ASB4: variants seen among roughly 807,000 people sequenced by gnomAD.
The protein encoded by ASB4 is ankyrin repeat and SOCS box containing 4.
A neutral mutation model predicts 38.6 loss-of-function variants in ASB4; 35 were observed. The ratio of observed to expected loss-of-function variants is 0.91; its 90% CI spans 0.69 to 1.20. The LOEUF is 1.20. Among genes scored for constraint, ASB4 ranks in the 50% most tolerant of loss-of-function variants. ASB4 has a pLI of 0.00. For synonymous variants in ASB4, 195 were observed against 201.3 expected, an observed-to-expected ratio of 0.97 and a Z score of 0.26; for missense variants, 557 against 527.2, an observed-to-expected ratio of 1.06 and a Z score of -0.55.
At chr7:95,535,247 G>C (rs1167536636) in intron 3 of ASB4, among the ~76,000 whole-genome samples, 3 of 152,208 alleles carry the variant, frequency 2.0e-5, no homozygotes, top group Admixed American at 1.3e-4. Context: ...TGGAGAGAAA[G>C]TCGGTTTTGT....
chr7:95,485,947 C>T lies in ASB4; in HGVS notation c.-25C>T, dbSNP rs1790082312. 6.2e-7 allele frequency: 1 copy of T among 1,607,286 alleles called. No individual in the cohort carries two copies. The highest frequency in any genetic ancestry group is 8.5e-7 in the Non-Finnish European group (1 of 1,175,824). On this transcript the variant is annotated 5_prime_UTR_variant, in exon 1 of 5. Coordinates refer to ENST00000325885, the MANE Select transcript of ASB4 (RefSeq NM_016116.3). ...GTGCTGTTCTCTCGATAAATCACAACAAAGCTTCCAGAGGGAGAGGAAGGA... is the reference window on the plus strand; with the variant it reads ...GTGCTGTTCTCTCGATAAATCACAATAAAGCTTCCAGAGGGAGAGGAAGGA...
intron 2 of ASB4, among the ~76,000 whole-genome samples, chr7:95,511,454 A>G (rs1301518973): frequency 6.6e-6 from 1 of 152,152 alleles, no homozygotes; most frequent in Non-Finnish European, 1.5e-5. Flanking sequence ...ACTTCTCGCA[A>G]GCATAGTTGA....
chr7:95,496,865 AC>A (rs1180062463), intron 2 of ASB4, among the ~76,000 whole-genome samples: 2 of 152,096 alleles, frequency 1.3e-5, no homozygotes, highest in Non-Finnish European at 2.9e-5. Flanking sequence ...AAAACAAAGA[AC>A]AAAAACAAAC....
intron 2 of ASB4, among the ~76,000 whole-genome samples, chr7:95,502,286 T>C (rs1790350300): frequency 2.6e-5 from 4 of 152,126 alleles, no homozygotes; most frequent in Admixed American, 2.0e-4. Context: ...TATTTTGTTG[T>C]TGTTTGTTAC....
intron 1 of ASB4, among the ~76,000 whole-genome samples, chr7:95,486,875 A>C (rs1259077500): frequency 6.6e-6 from 1 of 152,230 alleles, no homozygotes; most frequent in African/African-American, 2.4e-5. Flanking sequence ...ACCCATGCTT[A>C]ATAAATCAGA....
chr7:95,473,266 T>G, the ASB4 span, among the ~76,000 whole-genome samples: 5 of 152,216 alleles, frequency 3.3e-5, no homozygotes, highest in Non-Finnish European at 7.3e-5. Context: ...CTTCTAGCAT[T>G]TACTATGCCC....
chr7:95,527,967 C>G lies in ASB4; in HGVS notation c.642C>G (p.Ile214Met), dbSNP rs756298434. ...VNAHMETPLA[I>M]AAYWALRFKE... ...CCCACATGGAGACCCCCCTGGCCAT[C>G]GCCGCCTACTGGGCCCTCCGCTTTA... The change falls in exon 3 of 5, where the codon ATC becomes ATG. Residue 214 changes from isoleucine to methionine, a missense_variant. Coordinates refer to ENST00000325885, the MANE Select transcript of ASB4 (RefSeq NM_016116.3). The G allele has an allele frequency of 3.3e-5, 54 of 1,613,994 alleles. No individual in the cohort carries two copies. Among genetic ancestry groups the G allele is most frequent in the Non-Finnish European group, 4.3e-5 (51 of 1,180,042 alleles).
chr7:95,484,840 A>T (rs990953010), upstream of ASB4, among the ~76,000 whole-genome samples: 4 of 151,878 alleles, frequency 2.6e-5, no homozygotes, highest in Non-Finnish European at 5.9e-5. Flanking sequence ...AAAATTTCAA[A>T]CTTACAGAAA....
At chr7:95,509,534 AG>A (rs1435907468) in intron 2 of ASB4, among the ~76,000 whole-genome samples, 1 of 152,202 alleles carries the variant, frequency 6.6e-6, no homozygotes, top group Non-Finnish European at 1.5e-5. Flanking sequence ...GCAGAGGAAA[AG>A]GGTTTTCAAT....
upstream of ASB4, among the ~76,000 whole-genome samples, chr7:95,474,548 G>T (rs560976733): frequency 6.6e-6 from 1 of 152,204 alleles, no homozygotes; most frequent in African/African-American, 2.4e-5. Context: ...TTGAGACAGG[G>T]TCTCATTCTG....
rs749396510 is a variant in ASB4 at position 95,536,436 on chromosome 7, G to A, written c.979-1G>A. 13 of 1,597,064 alleles carry A rather than the reference G, an allele frequency of 8.1e-6. No homozygotes were observed. The highest frequency in any genetic ancestry group is 1.7e-4 in the Middle Eastern group (1 of 6,030). On this transcript the variant is annotated splice_acceptor_variant, in intron 3 of 4. Transcript: ENST00000325885. LOFTEE classifies it high-confidence loss of function. Reference sequence around the variant, plus strand: ...GATGAAACTCTGTGCTTCCTCTGCAGGTGATACAGGCCTGCCATTCTTGTC... The same window carrying A: ...GATGAAACTCTGTGCTTCCTCTGCAAGTGATACAGGCCTGCCATTCTTGTC...
chr7:95,487,305 T>C (rs1790106049), intron 1 of ASB4, among the ~76,000 whole-genome samples: 1 of 152,222 alleles, frequency 6.6e-6, no homozygotes, highest in Non-Finnish European at 1.5e-5. Context: ...GGATCTATTT[T>C]TTAAAAAGTT....
intron 1 of ASB4, among the ~76,000 whole-genome samples, chr7:95,487,147 TC>T (rs1790102817): frequency 6.6e-6 from 1 of 152,210 alleles, no homozygotes; most frequent in Non-Finnish European, 1.5e-5. Flanking sequence ...AGTATATATT[TC>T]TTCATTAATT....
At chr7:95,505,304 T>C (rs997609304) in intron 2 of ASB4, among the ~76,000 whole-genome samples, 3 of 151,472 alleles carry the variant, frequency 2.0e-5, no homozygotes, top group African/African-American at 7.4e-5. Context: ...ATTGCATTTC[T>C]GTATACCAGA....
At chr7:95,505,978 T>A (rs1790402613) in intron 2 of ASB4, among the ~76,000 whole-genome samples, 1 of 152,140 alleles carries the variant, frequency 6.6e-6, no homozygotes. Flanking sequence ...ACTGCAGGTT[T>A]GACTTCCCAG....
Position 95,495,806 on chromosome 7 carries a change from T to A in ASB4, c.236T>A (p.Leu79His), listed in dbSNP as rs757660898. 1.6e-5 allele frequency: 25 copies of A among 1,612,338 alleles called. No homozygotes were observed. Among genetic ancestry groups the A allele is most frequent in the Non-Finnish European group, 2.1e-5 (25 of 1,179,518 alleles). ...YKLKSSWATG[L>H]HLSVLFGHVE... ...TTGAAGTCTTCCTGGGCCACAGGCC[T>A]CCATCTCTCTGTCTTGTTTGGCCAT... is the stretch of plus-strand genomic sequence containing the variant. The change falls in exon 2 of 5, where the codon CTC (leucine) becomes CAC (histidine). Residue 79 changes from leucine (L) to histidine (H), a missense_variant. Transcript: ENST00000325885.
chr7:95,523,849 T>C (rs1295226621), intron 2 of ASB4, among the ~76,000 whole-genome samples: 1 of 152,176 alleles, frequency 6.6e-6, no homozygotes, highest in East Asian at 1.9e-4. Context: ...TGGAAATGCT[T>C]ATAAGAGTAA....
chr7:95,507,410 C>T (rs552665536), intron 2 of ASB4, among the ~76,000 whole-genome samples: 14 of 152,050 alleles, frequency 9.2e-5, no homozygotes, highest in South Asian at 2.1e-4. Flanking sequence ...TACTCCTGTG[C>T]GAAGTCTTAG....
intron 2 of ASB4, among the ~76,000 whole-genome samples, chr7:95,527,357 T>C (rs141092941): frequency 2.0e-5 from 3 of 152,334 alleles, no homozygotes; most frequent in African/African-American, 4.8e-5. Flanking sequence ...TTATCTGCTA[T>C]GAAAGAGAAG....
Sources: allele counts gnomAD v4.1 joint callset (sites outside exome capture counted in the v4.1 genomes callset), GRCh38; gene constraint gnomAD v4.1.1; transcripts MANE v1.5; gene names NCBI Gene and HGNC (gene_info 2026-07-23, HGNC 2026-07-21).